Variants in LEPR observed in about 807,000 individuals in gnomAD.
The protein encoded by LEPR is leptin receptor, also known as OB receptor.
A neutral mutation model predicts 114.7 loss-of-function variants in LEPR; 56 were observed. The ratio of observed to expected loss-of-function variants is 0.49; its 90% CI spans 0.39 to 0.61. The LOEUF (loss-of-function observed/expected upper bound fraction) is 0.61. Among genes scored for constraint, LEPR ranks in the 20% least tolerant of loss-of-function variants. The pLI is 0.00. For synonymous variants in LEPR, 443 were observed against 461.4 expected (o/e 0.96, Z 0.51); for missense variants, 1,202 against 1,352.9 (o/e 0.89, Z 1.75).
intron 6 of LEPR, 92 bp from the exon 7 acceptor site, chr1:65,596,356 T>A: frequency 2.0e-6 from 3 of 1,501,350 alleles, no homozygotes; most frequent in Non-Finnish European, 2.7e-6. Flanking sequence ...AAAGGCAAGA[T>A]ATGATGAAAA....
intron 2 of LEPR, among the ~76,000 whole-genome samples, chr1:65,477,746 C>A (rs1647175150): frequency 6.6e-6 from 1 of 152,206 alleles, no homozygotes; most frequent in Non-Finnish European, 1.5e-5. Flanking sequence ...GATTGTATAA[C>A]CTGACCACAT....
intron 2 of LEPR, among the ~76,000 whole-genome samples, chr1:65,508,513 C>G (rs942942820): frequency 3.9e-5 from 6 of 152,196 alleles, no homozygotes; most frequent in Non-Finnish European, 7.4e-5. Flanking sequence ...TAGGTTTATT[C>G]CTGAGCTCTC....
At chr1:65,516,430 C>T (rs1391807160) in intron 2 of LEPR, among the ~76,000 whole-genome samples, 1 of 142,998 alleles carries the variant, frequency 7.0e-6, no homozygotes, top group Admixed American at 7.1e-5. Context: ...GGCGAAAGAG[C>T]GAGACTCCGT....
intron 2 of LEPR, among the ~76,000 whole-genome samples, chr1:65,454,170 G>C (rs968020758): frequency 6.6e-6 from 1 of 151,766 alleles, no homozygotes; most frequent in Non-Finnish European, 1.5e-5. Context: ...TTGAGCCTAT[G>C]TGTGTCTCTG....
intron 2 of LEPR, among the ~76,000 whole-genome samples, chr1:65,508,243 T>C (rs1648857061): frequency 6.6e-6 from 1 of 152,220 alleles, no homozygotes; most frequent in Admixed American, 6.5e-5. Context: ...TTTGGCATTA[T>C]AGCCAAGAAA....
intron 2 of LEPR, among the ~76,000 whole-genome samples, chr1:65,447,452 C>G (rs1174425580): frequency 6.7e-6 from 1 of 150,228 alleles, no homozygotes; most frequent in Non-Finnish European, 1.5e-5. Flanking sequence ...TCATATAGAT[C>G]TTGTACATAA....
At chr1:65,615,420 G>C (rs1657468979) in intron 14 of LEPR, among the ~76,000 whole-genome samples, 1 of 152,118 alleles carries the variant, frequency 6.6e-6, no homozygotes, top group Admixed American at 6.5e-5. Flanking sequence ...TTATATGACA[G>C]AAATTCTGGG....
chr1:65,620,110 C>G, intron 17 of LEPR, 87 bp downstream of exon 17: 2 of 1,048,996 alleles, frequency 1.9e-6, no homozygotes, highest in East Asian at 5.2e-5. Context: ...TATTCTTTTT[C>G]TGATAGAATC....
intron 16 of LEPR, among the ~76,000 whole-genome samples, chr1:65,618,368 C>A (rs572594092): frequency 6.6e-6 from 1 of 151,976 alleles, no homozygotes; most frequent in East Asian, 1.9e-4. Context: ...CTGTGTTGCC[C>A]AGGCTAAAGT....
chr1:65,571,381 T>C (rs1468229282), intron 4 of LEPR, among the ~76,000 whole-genome samples: 1 of 152,146 alleles, frequency 6.6e-6, no homozygotes, highest in Non-Finnish European at 1.5e-5. Flanking sequence ...AAAAATTCTT[T>C]TTTTTTGTTT....
rs868779951 is a variant in LEPR at position 65,636,438 on chromosome 1, A to G, written c.2921A>G (p.Tyr974Cys). ...FSEAEGTEVT[Y>C]EDESQRQPFV... ...GAGGCTGAGGGTACTGAGGTAACCT[A>G]TGAGGACGAAAGCCAGAGACAACCC... Residue 974 changes from tyrosine to cysteine, a missense_variant, in exon 20 of 20, where the codon TAT (tyrosine) becomes TGT (cysteine). Tyr to Cys is a radical substitution (Grantham distance 194, BLOSUM62 -2). Coordinates refer to ENST00000349533, the MANE Select transcript of LEPR (RefSeq NM_002303.6). 3.1e-6 allele frequency: 5 copies of G among 1,614,000 alleles called. No individual in the cohort carries two copies. Among genetic ancestry groups the G allele is most frequent in the East Asian group, 4.5e-5 (2 of 44,880 alleles).
intron 19 of LEPR, chr1:65,630,410 T>TA (rs774902030): frequency 0.11 from 11,862 of 105,446 alleles, 1,232 homozygotes; most frequent in African/African-American, 0.28. Flanking sequence ...GAATGATCAA[T>TA]AAAAAAAAAA....
At chr1:65,429,748 A>G (rs1297371761) in intron 2 of LEPR, 4 of 896,616 alleles carry the variant, frequency 4.5e-6, no homozygotes. Flanking sequence ...ACAATTAATT[A>G]ATTTTTTGAC....
At chr1:65,617,027 G>T (rs1570828306) in intron 15 of LEPR, among the ~76,000 whole-genome samples, 3 of 152,198 alleles carry the variant, frequency 2.0e-5, no homozygotes, top group Admixed American at 2.0e-4. Context: ...TAAGCATCGA[G>T]TTCCATAGCA....
intron 2 of LEPR, among the ~76,000 whole-genome samples, chr1:65,428,281 CAT>C (rs1449375744): frequency 1.3e-5 from 2 of 151,916 alleles, no homozygotes; most frequent in Non-Finnish European, 2.9e-5. Flanking sequence ...TGAATGAAAA[CAT>C]AGAGTCAGAT....
chr1:65,476,247 T>G (rs1647158506), intron 2 of LEPR, among the ~76,000 whole-genome samples: 1 of 151,764 alleles, frequency 6.6e-6, no homozygotes, highest in Non-Finnish European at 1.5e-5. Flanking sequence ...GTGGCTCTGG[T>G]TAGCTCTTTA....
Position 65,572,317 on chromosome 1 carries a change from T to A in LEPR, c.371-9T>A, listed in dbSNP as rs1253993053. On this transcript the variant is annotated splice_polypyrimidine_tract_variant and intron_variant, in intron 4 of 19. Coordinates refer to ENST00000349533, the MANE Select transcript of LEPR (RefSeq NM_002303.6). ...TTTTTTTTTTTTTTTTTTTTTTTTT[T>A]AAATTCAGATGCAAACTGGAACATA... 32 of 1,223,802 alleles carry A rather than the reference T, an allele frequency of 2.6e-5. No individual in the cohort carries two copies. The highest frequency in any genetic ancestry group is 2.5e-4 in the Middle Eastern group (1 of 3,952). 75.8% of individuals were successfully genotyped at this position (1,223,802 alleles called of 1,614,324 possible).
chr1:65,482,595 A>C (rs1042753452), intron 2 of LEPR, among the ~76,000 whole-genome samples: 1 of 152,188 alleles, frequency 6.6e-6, no homozygotes, highest in African/African-American at 2.4e-5. Flanking sequence ...GGAATTGGTC[A>C]ACATATGGGG....
intron 2 of LEPR, among the ~76,000 whole-genome samples, chr1:65,544,041 A>G (rs889544059): frequency 1.3e-5 from 2 of 152,204 alleles, no homozygotes; most frequent in South Asian, 4.1e-4. Flanking sequence ...CACTGAATCT[A>G]TAAATTACTT....
Sources: allele counts gnomAD v4.1 joint callset (sites outside exome capture counted in the v4.1 genomes callset), GRCh38; gene constraint gnomAD v4.1.1; transcripts MANE v1.5; gene names NCBI Gene and HGNC (gene_info 2026-07-23, HGNC 2026-07-21).